Variants in GRIN2B observed in about 807,000 individuals in gnomAD.
GRIN2B encodes the protein glutamate ionotropic receptor NMDA type subunit 2B.
A neutral mutation model predicts 114.5 loss-of-function variants in GRIN2B; 5 were observed. The ratio of observed to expected loss-of-function variants is 0.04; its 90% CI spans 0.02 to 0.09. The LOEUF (loss-of-function observed/expected upper bound fraction) is 0.09. Among genes scored for constraint, GRIN2B ranks in the 10% least tolerant of loss-of-function variants. The pLI is 1.00. For synonymous variants in GRIN2B, 787 were observed against 745.1 expected (o/e 1.06, Z -0.92); for missense variants, 1,108 against 1,943.5 (o/e 0.57, Z 8.08).
intron 3 of GRIN2B, among the ~76,000 whole-genome samples, chr12:13,791,391 G>A (rs1360959999): frequency 1.3e-5 from 2 of 150,756 alleles, no homozygotes; most frequent in Non-Finnish European, 1.5e-5. Flanking sequence ...GGCGGAGCTT[G>A]CAGTGAGCCG....
chr12:13,769,212 G>A (rs1034936828), intron 3 of GRIN2B, among the ~76,000 whole-genome samples: 1 of 152,080 alleles, frequency 6.6e-6, no homozygotes, highest in Non-Finnish European at 1.5e-5. Flanking sequence ...GCTAAGGTGA[G>A]AGTCAGGTTT....
intron 5 of GRIN2B, among the ~76,000 whole-genome samples, chr12:13,633,991 T>C (rs7315644): frequency 0.024 from 3,591 of 152,222 alleles, 139 homozygotes; most frequent in African/African-American, 0.082. Context: ...AAAATGTGTG[T>C]CACACTTCGT....
chr12:13,850,512 G>A (rs930924927), intron 3 of GRIN2B, among the ~76,000 whole-genome samples: 1 of 152,042 alleles, frequency 6.6e-6, no homozygotes, highest in Admixed American at 6.6e-5. Flanking sequence ...TCAGACTGGG[G>A]GTGGACCTGA....
At chr12:13,607,334 A>T (rs1442773954) in intron 10 of GRIN2B, among the ~76,000 whole-genome samples, 3 of 54,234 alleles carry the variant, frequency 5.5e-5, no homozygotes, top group African/African-American at 2.3e-4. Context: ...TATAATATAT[A>T]TTATATATAA....
chr12:13,835,792 A>G (rs1436189150), intron 3 of GRIN2B, among the ~76,000 whole-genome samples: 7 of 151,290 alleles, frequency 4.6e-5, no homozygotes, highest in Admixed American at 4.6e-4. Flanking sequence ...AAAAAAAAAA[A>G]AAAGAAAGCC....
At chr12:13,943,406 T>G (rs1867298518) in intron 2 of GRIN2B, among the ~76,000 whole-genome samples, 1 of 152,122 alleles carries the variant, frequency 6.6e-6, no homozygotes, top group Non-Finnish European at 1.5e-5. Context: ...ATGTAAAGGA[T>G]CCTGAAGTCA....
chr12:13,714,865 C>T (rs903629559), intron 4 of GRIN2B, among the ~76,000 whole-genome samples: 1 of 151,822 alleles, frequency 6.6e-6, no homozygotes, highest in Admixed American at 6.6e-5. Flanking sequence ...TCTCCATTAA[C>T]TCTTTTCTCG....
chr12:13,860,878 A>G (rs543995301), intron 3 of GRIN2B, among the ~76,000 whole-genome samples: 135 of 151,914 alleles, frequency 8.9e-4, no homozygotes, highest in African/African-American at 3.1e-3. Flanking sequence ...CTACCTTTCT[A>G]TTTTCCTTCC....
chr12:13,694,686 T>A (rs200901219), intron 4 of GRIN2B, among the ~76,000 whole-genome samples: 4 of 132,192 alleles, frequency 3.0e-5, no homozygotes, highest in African/African-American at 1.1e-4. Flanking sequence ...TATATATATA[T>A]ATATATATAT....
chr12:13,673,009 T>C (rs1950037836), intron 5 of GRIN2B, among the ~76,000 whole-genome samples: 1 of 152,212 alleles, frequency 6.6e-6, no homozygotes, highest in Non-Finnish European at 1.5e-5. Flanking sequence ...TACAGGTTGC[T>C]GTGAGGACAC....
At chr12:13,926,720 G>A (rs1214594412) in intron 2 of GRIN2B, among the ~76,000 whole-genome samples, 3 of 152,242 alleles carry the variant, frequency 2.0e-5, no homozygotes, top group African/African-American at 7.2e-5. Context: ...TCGGGAGGCC[G>A]AGACGGGCGG....
chr12:13,688,441 A>G (rs1407409982), intron 4 of GRIN2B, among the ~76,000 whole-genome samples: 1 of 152,170 alleles, frequency 6.6e-6, no homozygotes, highest in African/African-American at 2.4e-5. Context: ...GTAAGGAGCT[A>G]TGTTCATAGG....
At position 13,849,331 on chromosome 12, in the gene GRIN2B, G is replaced by A. The variant is rs781276296; in HGVS notation, c.411+16467C>T. 5.9e-5 allele frequency among the ~76,000 whole-genome samples: 9 copies of A among 152,116 alleles called. No individual in the cohort carries two copies. The South Asian group carries it at 6.2e-4, about 10-fold the overall frequency. On this transcript the variant is annotated intron_variant, in intron 3 of 13. Transcript: ENST00000609686. ...TTATATGAGTGTAACTGGACCTACA[G>A]CTGTCACAGCCGTTGGACAACTTCA... is the stretch of plus-strand genomic sequence containing the variant.
chr12:13,910,521 C>T (rs1224103779), intron 2 of GRIN2B, among the ~76,000 whole-genome samples: 2 of 152,110 alleles, frequency 1.3e-5, no homozygotes. Flanking sequence ...CGCAAGTCCT[C>T]CTTCCTCTTC....
At chr12:13,882,378 G>T (rs921123889) in intron 2 of GRIN2B, among the ~76,000 whole-genome samples, 2 of 152,146 alleles carry the variant, frequency 1.3e-5, no homozygotes, top group Non-Finnish European at 2.9e-5. Context: ...TCAATCAAGA[G>T]GAGGAAAGAG....
chr12:13,911,398 G>T (rs932313808), intron 2 of GRIN2B, among the ~76,000 whole-genome samples: 7 of 152,080 alleles, frequency 4.6e-5, no homozygotes, highest in African/African-American at 1.7e-4. Flanking sequence ...CAACAAGAAG[G>T]CCTCGTCAAC....
At chr12:13,742,144 C>T (rs894916010) in intron 4 of GRIN2B, among the ~76,000 whole-genome samples, 7 of 151,950 alleles carry the variant, frequency 4.6e-5, no homozygotes, top group Admixed American at 3.3e-4. Context: ...TGCTTTTTTG[C>T]TATACAGGGA....
At chr12:13,929,504 T>C (rs1866982018) in intron 2 of GRIN2B, among the ~76,000 whole-genome samples, 1 of 152,206 alleles carries the variant, frequency 6.6e-6, no homozygotes, top group East Asian at 1.9e-4. Context: ...AGGTCTTACG[T>C]TATGCTAAAG....
intron 4 of GRIN2B, among the ~76,000 whole-genome samples, chr12:13,733,851 C>T (rs1192892356): frequency 6.6e-6 from 1 of 152,180 alleles, no homozygotes; most frequent in Non-Finnish European, 1.5e-5. Flanking sequence ...TAAATTCTTT[C>T]TTTCCAAGTA....
Sources: gnomAD v4.1 joint callset for allele counts (sites outside exome capture counted in the v4.1 genomes callset) on GRCh38, gnomAD v4.1.1 for gene constraint, MANE v1.5 for transcripts, NCBI Gene and HGNC (gene_info 2026-07-23, HGNC 2026-07-21) for gene names.